Variants in SCO1 observed in about 807,000 individuals in gnomAD.
SCO1 encodes the protein synthesis of cytochrome C oxidase 1, also known as cytochrome c oxidase assembly factor SCO1.
SCO1 carries 23 observed loss-of-function variants against 34.0 expected under a neutral mutation model. The observed-to-expected ratio is 0.68, with a 90% CI of 0.49 to 0.96. The LOEUF (loss-of-function observed/expected upper bound fraction) is 0.96, where lower values mean the gene tolerates loss of function less well. Among genes scored for constraint, SCO1 ranks in the 40% least tolerant of loss-of-function variants. The probability of loss-of-function intolerance (pLI) is 0.00; values close to 1 mark genes in which losing one functional copy is unlikely to be tolerated. For missense variants in SCO1, 404 were observed against 381.6 expected (o/e 1.06, Z -0.49); for synonymous variants, 161 against 145.5 (o/e 1.11, Z -0.77).
At chr17:10,689,772 G>C (rs779938317) in intron 4 of SCO1, among the ~76,000 whole-genome samples, 4 of 152,072 alleles carry the variant, frequency 2.6e-5, no homozygotes, top group Non-Finnish European at 5.9e-5. Context: ...TAAGCAAAAA[G>C]AACAAAGCTG....
intron 1 of SCO1, among the ~76,000 whole-genome samples, chr17:10,696,223 T>C (rs1411490537): frequency 6.6e-6 from 1 of 151,942 alleles, no homozygotes; most frequent in African/African-American, 2.4e-5. Flanking sequence ...GGCGGGTGGA[T>C]CACCTGAGGT....
chr17:10,686,611 C>A, intron 5 of SCO1, 116 bp downstream of exon 5: 2 of 757,620 alleles, frequency 2.6e-6, no homozygotes, highest in Non-Finnish European at 4.8e-6. Context: ...TTCCTAAGGA[C>A]TTTGCAATAA....
Position 10,678,101 on chromosome 17 carries a change from G to T in SCO1, c.*3018C>A, listed in dbSNP as rs1005145071. On this transcript the variant is annotated 3_prime_UTR_variant, in exon 6 of 6. Coordinates refer to ENST00000255390, the MANE Select transcript of SCO1 (RefSeq NM_004589.4). ...TTGCACTCCAGCCTGGGCAACAAGA[G>T]TGAAACTCTGTCTCAAAAAAGAAAA... 1.3e-5 allele frequency: 2 copies of T among 151,960 alleles called. No individual in the cohort carries two copies. Among genetic ancestry groups the T allele is most frequent in the African/African-American group, 4.8e-5 (2 of 41,326 alleles). 9.4% of individuals were successfully genotyped at this position (151,960 alleles called of 1,614,324 possible).
At chr17:10,691,245 C>T (rs999006589) in intron 4 of SCO1, among the ~76,000 whole-genome samples, 6 of 152,088 alleles carry the variant, frequency 3.9e-5, no homozygotes, top group Non-Finnish European at 8.8e-5. Context: ...CTCAGCCTCC[C>T]GAATATCTGG....
Position 10,680,142 on chromosome 17 carries a change from C to T in SCO1, c.*977G>A, listed in dbSNP as rs545372789. The T allele has an allele frequency of 6.0e-4, 92 of 152,428 alleles. 1 individual carries two copies. Among genetic ancestry groups the T allele is most frequent in the African/African-American group, 2.1e-3 (89 of 41,584 alleles). 9.4% of individuals were successfully genotyped at this position (152,428 alleles called of 1,614,324 possible). A position where few individuals can be genotyped will look rare whatever the true frequency, so the allele number is the denominator to read the frequency against. On this transcript the variant is annotated 3_prime_UTR_variant, in exon 6 of 6. Transcript: ENST00000255390. Reference sequence around the variant, plus strand: ...TCCCAGTCCGCCAGCATCCGAGTCACCTGGGGTATCTGTCATGGAAGCAGG... The same window carrying T: ...TCCCAGTCCGCCAGCATCCGAGTCATCTGGGGTATCTGTCATGGAAGCAGG...
Position 10,677,460 on chromosome 17 carries a change from A to G in SCO1, c.*3659T>C, listed in dbSNP as rs553183098. On this transcript the variant is annotated 3_prime_UTR_variant, in exon 6 of 6. Transcript: ENST00000255390. Reference sequence around the variant, plus strand: ...AAATGGTACTAAACAGAAAACCAAAAAAGGTTTGGGAGATTATGGATGATT... The same window carrying G: ...AAATGGTACTAAACAGAAAACCAAAGAAGGTTTGGGAGATTATGGATGATT... 3.0e-4 allele frequency: 45 copies of G among 152,362 alleles called. No homozygotes were observed. Among genetic ancestry groups the G allele is most frequent in the African/African-American group, 1.1e-3 (44 of 41,584 alleles). The allele number at this position is 152,362 out of a possible 1,614,324, so 9.4% of individuals were successfully genotyped here.
At chr17:10,683,237 T>C (rs551411041) in intron 5 of SCO1, among the ~76,000 whole-genome samples, 1 of 152,284 alleles carries the variant, frequency 6.6e-6, no homozygotes, top group East Asian at 1.9e-4. Context: ...ATTTTTTTTA[T>C]ACACAAGTAA....
At chr17:10,687,763 A>G (rs983824555) in intron 4 of SCO1, among the ~76,000 whole-genome samples, 1 of 152,254 alleles carries the variant, frequency 6.6e-6, no homozygotes, top group African/African-American at 2.4e-5. Flanking sequence ...TGCAACTAGT[A>G]ATGACTACAT....
chr17:10,693,113 C>T, intron 2 of SCO1, 152 bp from the exon 3 acceptor site: 1 of 672,670 alleles, frequency 1.5e-6, no homozygotes, highest in Non-Finnish European at 2.5e-6. Context: ...CTAAAAAAAT[C>T]TTTTCAGAAA....
At chr17:10,688,144 G>A (rs2074668433) in intron 4 of SCO1, among the ~76,000 whole-genome samples, 1 of 152,144 alleles carries the variant, frequency 6.6e-6, no homozygotes, top group Non-Finnish European at 1.5e-5. Flanking sequence ...ATATTAAAAG[G>A]ACAAACTGAT....
chr17:10,688,273 G>A (rs958451413), intron 4 of SCO1, among the ~76,000 whole-genome samples: 1 of 152,080 alleles, frequency 6.6e-6, no homozygotes, highest in Admixed American at 6.6e-5. Context: ...CTTGTATCCA[G>A]AATATAAATA....
Position 10,673,813 on chromosome 17 carries a change from CGCTT to C in SCO1, c.*7302_*7305del, listed in dbSNP as rs1314093861. 2.0e-5 allele frequency: 3 copies of C among 152,168 alleles called. No individual in the cohort carries two copies. The highest frequency in any genetic ancestry group is 7.2e-5 in the African/African-American group (3 of 41,444). The allele number at this position is 152,168 out of a possible 1,614,324, so 9.4% of individuals were successfully genotyped here. A position where few individuals can be genotyped will look rare whatever the true frequency, so the allele number is the denominator to read the frequency against. On this transcript the variant is annotated 3_prime_UTR_variant, in exon 6 of 6. Transcript: ENST00000255390. ...ATATTATAACAACTCGATGGAGAAACGCTTGGTATACTGTGCTGAATAGAAGTTC... is the reference window on the plus strand; with the variant it reads ...ATATTATAACAACTCGATGGAGAAACGGTATACTGTGCTGAATAGAAGTTC...
intron 3 of SCO1, 41 bp from the exon 4 acceptor site, chr17:10,692,005 G>A (rs771865270): frequency 7.1e-7 from 1 of 1,404,692 alleles, no homozygotes; most frequent in Non-Finnish European, 1.0e-6. Flanking sequence ...ACACCCTAAG[G>A]GAAAAGACAA....
intron 4 of SCO1, among the ~76,000 whole-genome samples, chr17:10,689,046 G>A (rs2074674354): frequency 7.2e-6 from 1 of 138,234 alleles, no homozygotes; most frequent in Admixed American, 7.0e-5. Context: ...AACCCGGGAG[G>A]CGGAGCTTGC....
chr17:10,688,752 A>T (rs1037259106), intron 4 of SCO1, among the ~76,000 whole-genome samples: 6 of 152,258 alleles, frequency 3.9e-5, no homozygotes, highest in African/African-American at 1.4e-4. Flanking sequence ...CTATAGGTGA[A>T]CTATTAGTCA....
intron 2 of SCO1, chr17:10,695,473 A>AAAAACAAGTGAAATCC (rs2151458147): frequency 2.5e-6 from 1 of 407,344 alleles, no homozygotes; most frequent in East Asian, 5.3e-5. Context: ...ACATTGATAG[A>AAAAACAAGTGAAATCC]AAAACAAGTG....
rs535639464 is a variant in SCO1, at chr17:10,676,589, A to C, written c.*4530T>G. On this transcript the variant is annotated 3_prime_UTR_variant, in exon 6 of 6. Transcript: ENST00000255390. ...AAATTTTCACAATAAAAAGGAAAAAAAGAAAACTCAAGTTTTCTTTCGGTT... is the reference window on the plus strand; with the variant it reads ...AAATTTTCACAATAAAAAGGAAAAACAGAAAACTCAAGTTTTCTTTCGGTT... 1 of 152,322 alleles carries C rather than the reference A, an allele frequency of 6.6e-6. No individual in the cohort carries two copies. Among genetic ancestry groups the C allele is most frequent in the Admixed American group, 6.5e-5 (1 of 15,302 alleles). The allele number at this position is 152,322 out of a possible 1,614,324, so 9.4% of individuals were successfully genotyped here.
In SCO1 at chr17:10,692,833, C is replaced by T. The variant is rs1371173353; in HGVS notation, c.493G>A (p.Gly165Ser). ...YLGQWLLIYF[G>S]FTHCPDVCPE... ...CAGACATCAGGGCAATGAGTGAAGC[C>T]AAAATAAATCAATAACCACTGACCC... The change falls in exon 3 of 6, where the codon GGC (glycine) becomes AGC (serine). Residue 165 changes from glycine (G) to serine (S), a missense_variant. Gly to Ser is a moderately conservative substitution (Grantham distance 56). Transcript: ENST00000255390. The T allele has an allele frequency of 1.9e-6, 3 of 1,614,072 alleles. No individual in the cohort carries two copies. Among genetic ancestry groups the T allele is most frequent in the Non-Finnish European group, 2.5e-6 (3 of 1,179,992 alleles).
At position 10,678,630 on chromosome 17, in the gene SCO1, G is replaced by A. The variant is rs1425659625; in HGVS notation, c.*2489C>T. On this transcript the variant is annotated 3_prime_UTR_variant, in exon 6 of 6. Coordinates refer to ENST00000255390, the MANE Select transcript of SCO1 (RefSeq NM_004589.4). ...ACTTAATATCTCTTTTGTTAAATGAGAATAGTCTTTTAGTAAGTTCCTTTC... is the reference window on the plus strand; with the variant it reads ...ACTTAATATCTCTTTTGTTAAATGAAAATAGTCTTTTAGTAAGTTCCTTTC... 1 of 152,156 alleles carries A rather than the reference G, an allele frequency of 6.6e-6. No homozygotes were observed. Among genetic ancestry groups the A allele is most frequent in the Admixed American group, 6.5e-5 (1 of 15,272 alleles). 9.4% of individuals were successfully genotyped at this position (152,156 alleles called of 1,614,324 possible).
Sources: gnomAD v4.1 joint callset for allele counts (sites outside exome capture counted in the v4.1 genomes callset) on GRCh38, gnomAD v4.1.1 for gene constraint, MANE v1.5 for transcripts, NCBI Gene and HGNC (gene_info 2026-07-23, HGNC 2026-07-21) for gene names.